Variants in TMEM45A observed in about 807,000 individuals in gnomAD.
The protein encoded by TMEM45A is DNA polymerase-transactivated protein 4.
In TMEM45A, 25 loss-of-function variants were observed where a neutral mutation model predicts 32.0. That is an observed-to-expected ratio of 0.78 (90% CI 0.57 to 1.09). The LOEUF is 1.09. TMEM45A is among the 50% of genes least tolerant of loss of function. TMEM45A has a pLI of 0.00. For synonymous variants in TMEM45A, 122 were observed against 114.8 expected, an observed-to-expected ratio of 1.06 and a Z score of -0.40; for missense variants, 302 against 325.0, an observed-to-expected ratio of 0.93 and a Z score of 0.54.
chr3:100,548,039 A>G (rs1364863568), intron 1 of TMEM45A, among the ~76,000 whole-genome samples: 3 of 152,130 alleles, frequency 2.0e-5, no homozygotes, highest in Non-Finnish European at 4.4e-5. Flanking sequence ...AAACATTGAG[A>G]GGGGTTGGTA....
At chr3:100,552,245 T>C (rs1426323648) in intron 1 of TMEM45A, among the ~76,000 whole-genome samples, 4 of 152,210 alleles carry the variant, frequency 2.6e-5, no homozygotes, top group African/African-American at 4.8e-5. Flanking sequence ...GCCCAGGCAT[T>C]TAACCTCTGA....
At chr3:100,562,466 C>T (rs1425863178) in intron 4 of TMEM45A, among the ~76,000 whole-genome samples, 1 of 152,206 alleles carries the variant, frequency 6.6e-6, no homozygotes, top group Non-Finnish European at 1.5e-5. Context: ...CAGCATTAGG[C>T]TCTGGGGCTG....
chr3:100,532,125 A>G (rs1164076330), intron 1 of TMEM45A, among the ~76,000 whole-genome samples: 1 of 152,200 alleles, frequency 6.6e-6, no homozygotes, highest in Non-Finnish European at 1.5e-5. Context: ...TTGTCCTGTT[A>G]AGGAGTGATC....
chr3:100,576,218 A>G (rs1045594216), intron 5 of TMEM45A, among the ~76,000 whole-genome samples: 1 of 152,176 alleles, frequency 6.6e-6, no homozygotes, highest in East Asian at 1.9e-4. Flanking sequence ...TGGGAGGCCG[A>G]GGCAGGTGGA....
intron 1 of TMEM45A, among the ~76,000 whole-genome samples, chr3:100,502,687 T>C (rs969518716): frequency 2.3e-4 from 35 of 152,292 alleles, no homozygotes; most frequent in Non-Finnish European, 3.4e-4. Flanking sequence ...TCCAGGCTAG[T>C]CTTGAACTCC....
chr3:100,571,681 G>A lies in TMEM45A; in HGVS notation c.734+2714G>A, dbSNP rs571698254. 49 of 152,210 alleles carry A rather than the reference G, an allele frequency of 3.2e-4. 1 individual carries two copies. The South Asian group carries it at 8.9e-3, about 28-fold the overall frequency. The allele number at this position is 152,210 out of a possible 1,614,324, so 9.4% of individuals were successfully genotyped here. On this transcript the variant is annotated intron_variant, in intron 5 of 5. Coordinates refer to ENST00000323523, the MANE Select transcript of TMEM45A (RefSeq NM_018004.3). ...TGTTACATATGTATACATGTGCCAT[G>A]TTGGTGTGCTGCACCCGTTAACTCA...
intron 1 of TMEM45A, among the ~76,000 whole-genome samples, chr3:100,506,380 A>G (rs1321885705): frequency 6.6e-6 from 1 of 152,228 alleles, no homozygotes; most frequent in African/African-American, 2.4e-5. Flanking sequence ...TCCGGTGCCA[A>G]ACAAGGTAAA....
At chr3:100,575,223 G>A (rs1706657608) in intron 5 of TMEM45A, among the ~76,000 whole-genome samples, 1 of 152,100 alleles carries the variant, frequency 6.6e-6, no homozygotes, top group South Asian at 2.1e-4. Flanking sequence ...TGATGCACAG[G>A]AAAAGCTTTG....
At chr3:100,498,597 C>T (rs1418377051) in intron 1 of TMEM45A, among the ~76,000 whole-genome samples, 1 of 151,608 alleles carries the variant, frequency 6.6e-6, no homozygotes, top group Non-Finnish European at 1.5e-5. Context: ...GTGTGTGTGT[C>T]CCCTGTTGGT....
intron 1 of TMEM45A, among the ~76,000 whole-genome samples, chr3:100,534,794 T>C (rs1705711240): frequency 6.6e-6 from 1 of 152,224 alleles, no homozygotes; most frequent in Admixed American, 6.5e-5. Context: ...TACCATTCAC[T>C]GGCTGTGAAT....
At chr3:100,510,157 C>T (rs1708136392) in intron 1 of TMEM45A, among the ~76,000 whole-genome samples, 1 of 152,232 alleles carries the variant, frequency 6.6e-6, no homozygotes. Flanking sequence ...GGCTCCACCT[C>T]TGGGGGCAGG....
At chr3:100,557,512 TC>T (rs1269028997) in intron 3 of TMEM45A, among the ~76,000 whole-genome samples, 2 of 151,636 alleles carry the variant, frequency 1.3e-5, no homozygotes, top group East Asian at 3.9e-4. Context: ...TCAGCTGGTC[TC>T]CCAGTTACTG....
chr3:100,512,600 C>T (rs1368081170), intron 1 of TMEM45A, among the ~76,000 whole-genome samples: 2 of 151,594 alleles, frequency 1.3e-5, no homozygotes, highest in Non-Finnish European at 2.9e-5. Context: ...CAAAAGCTAG[C>T]AGAAGGCAAG....
intron 1 of TMEM45A, among the ~76,000 whole-genome samples, chr3:100,553,061 A>C (rs779948300): frequency 1.3e-5 from 2 of 152,226 alleles, no homozygotes; most frequent in African/African-American, 4.8e-5. Flanking sequence ...TTACTCTGGT[A>C]GTTAGAGGTA....
intron 5 of TMEM45A, among the ~76,000 whole-genome samples, chr3:100,575,514 A>C (rs1480487101): frequency 1.3e-5 from 2 of 152,002 alleles, no homozygotes; most frequent in Non-Finnish European, 2.9e-5. Context: ...CTGGGATTAC[A>C]GGCATGTGCC....
intron 4 of TMEM45A, among the ~76,000 whole-genome samples, chr3:100,567,925 C>T (rs1195926839): frequency 6.6e-6 from 1 of 152,104 alleles, no homozygotes; most frequent in African/African-American, 2.4e-5. Context: ...GCTGGGACTA[C>T]AGGTGCCTGC....
intron 1 of TMEM45A, among the ~76,000 whole-genome samples, chr3:100,500,243 G>A (rs1707990788): frequency 6.6e-6 from 1 of 151,946 alleles, no homozygotes; most frequent in South Asian, 2.1e-4. Flanking sequence ...GCATTGTTCA[G>A]ACCTTGTTTT....
chr3:100,525,098 G>T (rs1360996915), intron 1 of TMEM45A, among the ~76,000 whole-genome samples: 1 of 151,972 alleles, frequency 6.6e-6, no homozygotes, highest in African/African-American at 2.4e-5. Flanking sequence ...TGAGGCAGGA[G>T]GATAACTTGA....
intron 1 of TMEM45A, among the ~76,000 whole-genome samples, chr3:100,503,238 T>C (rs1336964978): frequency 6.6e-6 from 1 of 152,174 alleles, no homozygotes; most frequent in Non-Finnish European, 1.5e-5. Flanking sequence ...CCCTAGTAGC[T>C]GGGACTATAG....
Sources: gnomAD v4.1 joint callset for allele counts (sites outside exome capture counted in the v4.1 genomes callset) on GRCh38, gnomAD v4.1.1 for gene constraint, MANE v1.5 for transcripts, NCBI Gene and HGNC (gene_info 2026-07-23, HGNC 2026-07-21) for gene names.